The following PLCG2 variants were observed in gnomAD, a reference collection of about 807,000 sequenced individuals.
PLCG2 encodes the protein 1-phosphatidylinositol 4,5-bisphosphate phosphodiesterase gamma-2.
PLCG2 carries 69 observed loss-of-function variants against 175.6 expected under a neutral mutation model. That is an observed-to-expected ratio of 0.39 (90% CI 0.32 to 0.48). The LOEUF (loss-of-function observed/expected upper bound fraction) is 0.48. PLCG2 is among the 20% of genes least tolerant of loss of function. The pLI is 0.91. For synonymous variants in PLCG2, 827 were observed against 624.0 expected, an observed-to-expected ratio of 1.33 and a Z score of -4.85; for missense variants, 1,798 against 1,650.9, an observed-to-expected ratio of 1.09 and a Z score of -1.54.
chr16:81,896,938 C>A (rs979212978), intron 13 of PLCG2, among the ~76,000 whole-genome samples: 1 of 152,196 alleles, frequency 6.6e-6, no homozygotes, highest in African/African-American at 2.4e-5. Flanking sequence ...TTCTGTCCCA[C>A]CAGAAGATCT....
At chr16:81,928,810 C>G in intron 24 of PLCG2, 186 bp downstream of exon 24, 1 of 546,460 alleles carries the variant, frequency 1.8e-6, no homozygotes, top group Non-Finnish European at 3.4e-6. Flanking sequence ...TGCTATTAAT[C>G]TCTACTAAAA....
chr16:81,827,946 C>A (rs1238943986), intron 2 of PLCG2, among the ~76,000 whole-genome samples: 1 of 151,818 alleles, frequency 6.6e-6, no homozygotes, highest in Non-Finnish European at 1.5e-5. Flanking sequence ...CAAAAGTAGC[C>A]AGGCATGGTG....
chr16:81,806,350 G>A (rs1912021785), intron 2 of PLCG2, among the ~76,000 whole-genome samples: 1 of 152,080 alleles, frequency 6.6e-6, no homozygotes, highest in Non-Finnish European at 1.5e-5. Flanking sequence ...TGATCAGGTA[G>A]CTTTAATTTC....
intron 31 of PLCG2, among the ~76,000 whole-genome samples, chr16:81,955,679 C>G (rs553943389): frequency 2.4e-4 from 37 of 152,296 alleles, no homozygotes; most frequent in Non-Finnish European, 4.6e-4. Flanking sequence ...GTGGCCATGA[C>G]AGGACCACAC....
chr16:81,905,534 A>G, intron 15 of PLCG2, 27 bp downstream of exon 15: 2 of 1,485,294 alleles, frequency 1.3e-6, no homozygotes, highest in Non-Finnish European at 1.9e-6. Context: ...TCCCGTAGCC[A>G]CTGCGGCCAC....
chr16:81,754,338 G>A (rs1185799974), intron 1 of PLCG2, among the ~76,000 whole-genome samples: 4 of 19,028 alleles, frequency 2.1e-4, no homozygotes, highest in African/African-American at 8.5e-4. Context: ...CCTCCTTCCC[G>A]CCCATCCCCA....
At chr16:81,947,168 G>C (rs1013705274) in intron 31 of PLCG2, among the ~76,000 whole-genome samples, 2 of 152,218 alleles carry the variant, frequency 1.3e-5, no homozygotes, top group Non-Finnish European at 2.9e-5. Context: ...ATCACCAGCA[G>C]CAGAGAAAAT....
intron 2 of PLCG2, among the ~76,000 whole-genome samples, chr16:81,850,073 A>C (rs1488285073): frequency 6.6e-6 from 1 of 152,242 alleles, no homozygotes; most frequent in Admixed American, 6.5e-5. Context: ...AAAAGTAAAC[A>C]AGGAGACTCC....
chr16:81,804,368 C>T (rs1911896414), intron 2 of PLCG2, among the ~76,000 whole-genome samples: 1 of 152,170 alleles, frequency 6.6e-6, no homozygotes, highest in Admixed American at 6.5e-5. Context: ...TAGACAGTGT[C>T]CTATTTTCAA....
Position 81,785,183 on chromosome 16 carries a change from A to G in PLCG2, c.-47-760A>G, listed in dbSNP as rs189662671. ...TTCCTCCAAGGTTTTGGGCCCAAGC[A>G]CCTCTCTGACACTGACCACCCACAA... On this transcript the variant is annotated intron_variant, in intron 1 of 32. Transcript: ENST00000564138. 4.4e-4 allele frequency among the ~76,000 whole-genome samples: 67 copies of G among 152,174 alleles called. 1 individual carries two copies. Among genetic ancestry groups the G allele is most frequent in the African/African-American group, 1.6e-3 (66 of 41,506 alleles).
At chr16:81,801,709 C>T (rs1342013920) in intron 2 of PLCG2, among the ~76,000 whole-genome samples, 1 of 151,394 alleles carries the variant, frequency 6.6e-6, no homozygotes, top group Non-Finnish European at 1.5e-5. Flanking sequence ...GAGGTGGTGT[C>T]TTGCTTTGTC....
chr16:81,878,066 C>T (rs1037436989), intron 7 of PLCG2, among the ~76,000 whole-genome samples: 1 of 140,198 alleles, frequency 7.1e-6, no homozygotes, highest in Non-Finnish European at 1.5e-5. Flanking sequence ...ACTGCAAGCT[C>T]TGCCTCCCGG....
chr16:81,786,211 G>T, intron 2 of PLCG2, 29 bp downstream of exon 2: 1 of 1,598,656 alleles, frequency 6.3e-7, no homozygotes, highest in Non-Finnish European at 8.6e-7. Flanking sequence ...GGGCAGTGTG[G>T]CCCGTCCTCT....
chr16:81,925,396 T>C (rs1910221147), intron 22 of PLCG2, among the ~76,000 whole-genome samples: 1 of 152,154 alleles, frequency 6.6e-6, no homozygotes, highest in Non-Finnish European at 1.5e-5. Context: ...AGATGGTATA[T>C]ATGATCGCCG....
At chr16:81,898,366 AT>A (rs1372627368) in intron 13 of PLCG2, 1 of 152,758 alleles carries the variant, frequency 6.5e-6, no homozygotes, top group East Asian at 1.9e-4. Flanking sequence ...TGTCAGTTAC[AT>A]TTTGATACCA....
chr16:81,824,442 T>C (rs28406173), intron 2 of PLCG2, among the ~76,000 whole-genome samples: 6,023 of 152,196 alleles, frequency 0.04, 167 homozygotes, highest in African/African-American at 0.073. Context: ...CCCCAGCCAC[T>C]TATTTTCTTG....
intron 3 of PLCG2, among the ~76,000 whole-genome samples, chr16:81,857,649 C>T (rs895861463): frequency 6.6e-6 from 1 of 152,014 alleles, no homozygotes; most frequent in Admixed American, 6.6e-5. Context: ...TTTCTCTTCT[C>T]TAAAAAGGCA....
chr16:81,935,952 G>A (rs777133093), intron 26 of PLCG2: 5 of 984,832 alleles, frequency 5.1e-6, no homozygotes, highest in African/African-American at 1.7e-5. Flanking sequence ...CTAAAAGGTG[G>A]TGGGAAAACT....
At chr16:81,887,115 G>A (rs1030504132) in intron 9 of PLCG2, among the ~76,000 whole-genome samples, 6 of 150,920 alleles carry the variant, frequency 4.0e-5, no homozygotes, top group African/African-American at 1.2e-4. Context: ...GCCAGGCAAA[G>A]TTGTTTTTTT....
Sources: gnomAD v4.1 joint callset for allele counts (sites outside exome capture counted in the v4.1 genomes callset) on GRCh38, gnomAD v4.1.1 for gene constraint, MANE v1.5 for transcripts, NCBI Gene and HGNC (gene_info 2026-07-23, HGNC 2026-07-21) for gene names.